The following EED variants were observed in gnomAD, a reference collection of about 807,000 sequenced individuals.
EED encodes embryonic ectoderm development.
In EED, 9 loss-of-function variants were observed where a neutral mutation model predicts 61.0. The ratio of observed to expected loss-of-function variants is 0.15; its 90% CI spans 0.09 to 0.26. The LOEUF (loss-of-function observed/expected upper bound fraction) is 0.26, where lower values mean the gene tolerates loss of function less well. EED is among the 10% of genes least tolerant of loss of function. The probability of loss-of-function intolerance (pLI) is 1.00; values close to 1 mark genes in which losing one functional copy is unlikely to be tolerated. For synonymous variants in EED, 187 were observed against 174.4 expected (o/e 1.07, Z -0.57); for missense variants, 315 against 542.3 (o/e 0.58, Z 4.16).
chr11:86,263,467 G>T (rs923778292), intron 6 of EED, among the ~76,000 whole-genome samples: 1 of 152,130 alleles, frequency 6.6e-6, no homozygotes, highest in African/African-American at 2.4e-5. Context: ...TCCATTTTGT[G>T]CTGCTATAAC....
chr11:86,253,416 G>A (rs554882949), intron 3 of EED, among the ~76,000 whole-genome samples: 2 of 152,218 alleles, frequency 1.3e-5, no homozygotes, highest in South Asian at 4.2e-4. Flanking sequence ...ATTATAATTG[G>A]TATAGTTTGT....
At chr11:86,284,540 C>G in the EED span, 1 of 152,280 alleles carries the variant, frequency 6.6e-6, no homozygotes, top group Non-Finnish European at 1.5e-5. Flanking sequence ...CACCCCCACA[C>G]TCAATGTCCA....
intron 3 of EED, among the ~76,000 whole-genome samples, chr11:86,252,917 C>G (rs974702494): frequency 6.6e-6 from 1 of 152,028 alleles, no homozygotes; most frequent in African/African-American, 2.4e-5. Flanking sequence ...CCATCCCTGG[C>G]TAATTTTTTT....
intron 3 of EED, among the ~76,000 whole-genome samples, chr11:86,254,853 C>T (rs1056330988): frequency 6.6e-6 from 1 of 152,212 alleles, no homozygotes; most frequent in Non-Finnish European, 1.5e-5. Context: ...GATCTCTTGA[C>T]CTCATGATCC....
chr11:86,245,968 G>T (rs1263167199), intron 1 of EED, among the ~76,000 whole-genome samples: 2 of 152,124 alleles, frequency 1.3e-5, no homozygotes, highest in African/African-American at 4.8e-5. Flanking sequence ...AAGTAAGAGT[G>T]GGTGATTTCT....
At chr11:86,277,294 T>C in intron 10 of EED, 156 bp downstream of exon 10, 1 of 618,516 alleles carries the variant, frequency 1.6e-6, no homozygotes, top group East Asian at 3.0e-5. Context: ...CATCAAATAC[T>C]TTGGTGTTAT....
At chr11:86,283,363 A>G (rs555060565), downstream of EED, among the ~76,000 whole-genome samples, 15 of 149,692 alleles carry the variant, frequency 1.0e-4, no homozygotes, top group Admixed American at 3.3e-4. Flanking sequence ...TAAAATTGCA[A>G]CTCTCCTTCC....
chr11:86,285,225 C>T, the EED span, among the ~76,000 whole-genome samples: 1 of 152,060 alleles, frequency 6.6e-6, no homozygotes, highest in Non-Finnish European at 1.5e-5. Context: ...TTTGAGACCA[C>T]CCTAAGCAAC....
At chr11:86,260,028 T>C (rs1360941635) in intron 6 of EED, among the ~76,000 whole-genome samples, 1 of 152,194 alleles carries the variant, frequency 6.6e-6, no homozygotes, top group Admixed American at 6.5e-5. Flanking sequence ...GGTGTACATA[T>C]GTATCCCCAA....
chr11:86,268,770 T>C (rs1946045686), intron 9 of EED, among the ~76,000 whole-genome samples: 1 of 152,208 alleles, frequency 6.6e-6, no homozygotes, highest in African/African-American at 2.4e-5. Flanking sequence ...TGCCATTGAA[T>C]TATAATTCTT....
chr11:86,263,245 A>C (rs1047078755), intron 6 of EED, among the ~76,000 whole-genome samples: 2 of 152,216 alleles, frequency 1.3e-5, no homozygotes, highest in African/African-American at 4.8e-5. Flanking sequence ...GTAATCCTTA[A>C]GAAGATAAAG....
the EED span, chr11:86,284,329 C>G: frequency 1.3e-5 from 2 of 152,222 alleles, no homozygotes; most frequent in Non-Finnish European, 2.9e-5. Flanking sequence ...ACGATGTAAA[C>G]TCCCTCCTCC....
At chr11:86,257,037 CTTTT>C (rs111712382) in intron 5 of EED, among the ~76,000 whole-genome samples, 3 of 145,432 alleles carry the variant, frequency 2.1e-5, no homozygotes, top group Non-Finnish European at 3.0e-5. Flanking sequence ...TTTTGAGCAT[CTTTT>C]TTTTTTTTTG....
Position 86,245,107 on chromosome 11 carries a change from G to A in EED, c.-123G>A, listed in dbSNP as rs894706902. 1.5e-6 allele frequency: 1 copy of A among 683,064 alleles called. No individual in the cohort carries two copies. The allele number at this position is 683,064 out of a possible 1,614,324, so 42.3% of individuals were successfully genotyped here. ...GCTGGGCGCGATTTGCGACAGTGGG[G>A]GGGGCGGTGGAGGTGGCGGCGGCAG... On this transcript the variant is annotated 5_prime_UTR_variant, in exon 1 of 12. Coordinates refer to ENST00000263360, the MANE Select transcript of EED (RefSeq NM_003797.5).
At chr11:86,262,334 C>CA (rs1302764044) in intron 6 of EED, among the ~76,000 whole-genome samples, 1 of 152,208 alleles carries the variant, frequency 6.6e-6, no homozygotes, top group East Asian at 1.9e-4. Flanking sequence ...CTTTGATGCT[C>CA]AGATATTTCT....
At chr11:86,277,733 G>T (rs1347966419) in intron 10 of EED, 185 bp from the exon 11 acceptor site, 1 of 397,136 alleles carries the variant, frequency 2.5e-6, no homozygotes, top group Non-Finnish European at 4.3e-6. Flanking sequence ...CAAGACACTT[G>T]TGATGTATTA....
At chr11:86,250,560 T>TA (rs1945505720) in intron 2 of EED, 112 bp downstream of exon 2, 3 of 1,243,808 alleles carry the variant, frequency 2.4e-6, no homozygotes, top group South Asian at 5.0e-5. Flanking sequence ...ATTTTAAAGT[T>TA]ACAATGTTTT....
intron 1 of EED, among the ~76,000 whole-genome samples, chr11:86,249,762 G>C (rs1945480974): frequency 6.6e-6 from 1 of 152,222 alleles, no homozygotes; most frequent in Non-Finnish European, 1.5e-5. Flanking sequence ...GTTATAAGCA[G>C]AATTTGAATA....
intron 9 of EED, among the ~76,000 whole-genome samples, chr11:86,274,075 G>GT (rs952617552): frequency 6.7e-6 from 1 of 149,832 alleles, no homozygotes; most frequent in African/African-American, 2.4e-5. Context: ...TAGATCGTTT[G>GT]TTTGGTCCCT....
Sources: gnomAD v4.1 joint callset for allele counts (sites outside exome capture counted in the v4.1 genomes callset) on GRCh38, gnomAD v4.1.1 for gene constraint, MANE v1.5 for transcripts, NCBI Gene and HGNC (gene_info 2026-07-23, HGNC 2026-07-21) for gene names.